Variants in ANKRD44 observed in about 807,000 individuals in gnomAD.
The protein encoded by ANKRD44 is ankyrin repeat domain 44, also known as serine/threonine-protein phosphatase 6 regulatory ankyrin repeat subunit B.
ANKRD44 carries 35 observed loss-of-function variants against 116.0 expected under a neutral mutation model. That is an observed-to-expected ratio of 0.30 (90% CI 0.23 to 0.40). The LOEUF (loss-of-function observed/expected upper bound fraction) is 0.40. Among genes scored for constraint, ANKRD44 ranks in the 10% least tolerant of loss-of-function variants. The probability of loss-of-function intolerance (pLI) is 1.00; values close to 1 mark genes in which losing one functional copy is unlikely to be tolerated. For missense variants in ANKRD44, 1,014 were observed against 1,242.6 expected, an observed-to-expected ratio of 0.82 and a Z score of 2.77; for synonymous variants, 435 against 461.8, an observed-to-expected ratio of 0.94 and a Z score of 0.74.
chr2:197,159,975 G>A (rs1156972890), intron 2 of ANKRD44, among the ~76,000 whole-genome samples: 1 of 152,038 alleles, frequency 6.6e-6, no homozygotes, highest in African/African-American at 2.4e-5. Context: ...CAGCATTTTG[G>A]AGGCCTTTGG....
At chr2:197,164,519 G>C (rs542900618) in intron 2 of ANKRD44, among the ~76,000 whole-genome samples, 1 of 152,210 alleles carries the variant, frequency 6.6e-6, no homozygotes, top group Non-Finnish European at 1.5e-5. Flanking sequence ...CCCCACCGCA[G>C]CGGCTCCTGG....
intron 1 of ANKRD44, among the ~76,000 whole-genome samples, chr2:197,217,356 C>T (rs1384194217): frequency 2.0e-5 from 3 of 152,142 alleles, no homozygotes; most frequent in Non-Finnish European, 4.4e-5. Context: ...TTTGGATTTT[C>T]ACTAAGGTTG....
At chr2:197,147,252 C>A (rs1019113296) in intron 2 of ANKRD44, 147 bp from the exon 3 acceptor site, 7 of 631,644 alleles carry the variant, frequency 1.1e-5, no homozygotes, top group Non-Finnish European at 2.0e-5. Flanking sequence ...TCTGGTTATG[C>A]ATTTTCTCTC....
intron 1 of ANKRD44, among the ~76,000 whole-genome samples, chr2:197,193,987 G>A (rs938385120): frequency 3.9e-5 from 6 of 152,196 alleles, no homozygotes; most frequent in South Asian, 2.1e-4. Flanking sequence ...AAACAGGGAT[G>A]ATTGTTTACC....
At chr2:197,261,275 C>T (rs1370550877) in intron 1 of ANKRD44, among the ~76,000 whole-genome samples, 1 of 151,622 alleles carries the variant, frequency 6.6e-6, no homozygotes, top group Non-Finnish European at 1.5e-5. Flanking sequence ...GGAAGGGATC[C>T]AGTTTCAGCT....
At chr2:197,273,980 AATATATATATATAT>A (rs1164251927) in intron 1 of ANKRD44, among the ~76,000 whole-genome samples, 6 of 43,938 alleles carry the variant, frequency 1.4e-4, no homozygotes, top group African/African-American at 2.0e-4. Flanking sequence ...AAAAAAAAAA[AATATATATATATAT>A]ATATATATAT....
At chr2:197,215,320 T>C (rs2081420492) in intron 1 of ANKRD44, among the ~76,000 whole-genome samples, 1 of 152,232 alleles carries the variant, frequency 6.6e-6, no homozygotes. Context: ...AGCCCAATTT[T>C]TCAACTGAAG....
chr2:197,174,316 T>TA (rs2080313442), intron 2 of ANKRD44, among the ~76,000 whole-genome samples: 1 of 152,144 alleles, frequency 6.6e-6, no homozygotes, highest in Non-Finnish European at 1.5e-5. Flanking sequence ...GAGCCATGAT[T>TA]AAAAAGCTGT....
intron 1 of ANKRD44, among the ~76,000 whole-genome samples, chr2:197,241,773 G>A (rs1391616059): frequency 6.6e-6 from 1 of 151,934 alleles, no homozygotes; most frequent in East Asian, 1.9e-4. Flanking sequence ...AGTAACATGA[G>A]AATAAAAAGG....
At chr2:197,131,489 C>G (rs73051372) in intron 4 of ANKRD44, among the ~76,000 whole-genome samples, 1 of 152,146 alleles carries the variant, frequency 6.6e-6, no homozygotes, top group African/African-American at 2.4e-5. Flanking sequence ...CCGCGCCCGG[C>G]GATAGTAAGT....
intron 1 of ANKRD44, among the ~76,000 whole-genome samples, chr2:197,210,576 A>G (rs909196771): frequency 3.3e-5 from 5 of 152,228 alleles, no homozygotes; most frequent in African/African-American, 1.2e-4. Flanking sequence ...GCCAATGCCT[A>G]TCTGACTCTA....
At chr2:197,058,660 C>T (rs552142611) in intron 16 of ANKRD44, among the ~76,000 whole-genome samples, 3 of 152,256 alleles carry the variant, frequency 2.0e-5, no homozygotes, top group African/African-American at 4.8e-5. Flanking sequence ...ATCACTACTA[C>T]AAGTCTGTAT....
chr2:197,308,547 C>G (rs1451425619), intron 1 of ANKRD44, among the ~76,000 whole-genome samples: 1 of 151,854 alleles, frequency 6.6e-6, no homozygotes, highest in Non-Finnish European at 1.5e-5. Flanking sequence ...ATAGACTGGA[C>G]ATTTTCAGAA....
At chr2:197,236,388 G>A (rs1183704677) in intron 1 of ANKRD44, among the ~76,000 whole-genome samples, 3 of 152,112 alleles carry the variant, frequency 2.0e-5, no homozygotes, top group Non-Finnish European at 4.4e-5. Context: ...CAGGTGTCCT[G>A]AACCCCAATT....
At chr2:197,106,181 C>T (rs922550645) in intron 9 of ANKRD44, among the ~76,000 whole-genome samples, 3 of 152,180 alleles carry the variant, frequency 2.0e-5, no homozygotes, top group Non-Finnish European at 2.9e-5. Flanking sequence ...GTGACTCACG[C>T]CTGTAATCCC....
At chr2:197,090,584 A>C (rs2078021912) in intron 10 of ANKRD44, among the ~76,000 whole-genome samples, 1 of 151,310 alleles carries the variant, frequency 6.6e-6, no homozygotes, top group Admixed American at 6.6e-5. Flanking sequence ...GGGGGCAGAG[A>C]AATTCTAGGC....
intron 1 of ANKRD44, among the ~76,000 whole-genome samples, chr2:197,256,559 A>G (rs932243766): frequency 6.6e-6 from 1 of 152,094 alleles, no homozygotes; most frequent in Non-Finnish European, 1.5e-5. Context: ...GATGAACAGG[A>G]AAAAAAATAT....
At chr2:197,106,015 A>T (rs1421350655) in intron 9 of ANKRD44, among the ~76,000 whole-genome samples, 1 of 152,230 alleles carries the variant, frequency 6.6e-6, no homozygotes, top group East Asian at 1.9e-4. Flanking sequence ...ACCAGTCTCA[A>T]ATATGCCAAA....
rs1025254917 is a variant in ANKRD44, at chr2:197,211,787, G to C, written c.28-24681C>G. Reference sequence around the variant, plus strand: ...CAGGTGTTCATTAGGAGATGCAGCAGGTTATAAACCATAACTCAGAGAAGA... The same window carrying C: ...CAGGTGTTCATTAGGAGATGCAGCACGTTATAAACCATAACTCAGAGAAGA... On this transcript the variant is annotated intron_variant, in intron 1 of 27. Transcript: ENST00000282272. 2.6e-5 allele frequency among the ~76,000 whole-genome samples: 4 copies of C among 151,766 alleles called. No individual in the cohort carries two copies. In the South Asian group the frequency reaches 8.3e-4, roughly 32 times the overall value.
Sources: gnomAD v4.1 joint callset for allele counts (sites outside exome capture counted in the v4.1 genomes callset) on GRCh38, gnomAD v4.1.1 for gene constraint, MANE v1.5 for transcripts, NCBI Gene and HGNC (gene_info 2026-07-23, HGNC 2026-07-21) for gene names.